DLG2: variants seen among roughly 807,000 people sequenced by gnomAD.
DLG2 encodes the protein disks large homolog 2.
A neutral mutation model predicts 132.5 loss-of-function variants in DLG2; 45 were observed. That is an observed-to-expected ratio of 0.34 (90% CI 0.27 to 0.44). The LOEUF (loss-of-function observed/expected upper bound fraction) is 0.44. Among genes scored for constraint, DLG2 ranks in the 20% least tolerant of loss-of-function variants. The pLI is 1.00. For synonymous variants in DLG2, 424 were observed against 419.6 expected (o/e 1.01, Z -0.13); for missense variants, 1,045 against 1,196.9 (o/e 0.87, Z 1.87).
At chr11:85,172,512 A>G (rs1308082544) in intron 4 of DLG2, among the ~76,000 whole-genome samples, 36 of 152,238 alleles carry the variant, frequency 2.4e-4, no homozygotes. Flanking sequence ...GATGGAACAG[A>G]ATCAATGCAA....
intron 6 of DLG2, among the ~76,000 whole-genome samples, chr11:84,948,930 C>T (rs2155412): frequency 0.69 from 104,250 of 152,098 alleles, 36,530 homozygotes; most frequent in East Asian, 0.95. Context: ...CCCTGCCATG[C>T]AGTACATATT....
At chr11:84,367,654 A>T (rs1029464371) in intron 7 of DLG2, among the ~76,000 whole-genome samples, 3 of 152,014 alleles carry the variant, frequency 2.0e-5, no homozygotes, top group African/African-American at 7.2e-5. Context: ...TTATCACAAG[A>T]TGAGTCTGTT....
intron 7 of DLG2, among the ~76,000 whole-genome samples, chr11:84,316,474 C>G (rs924161208): frequency 6.6e-6 from 1 of 151,940 alleles, no homozygotes; most frequent in Non-Finnish European, 1.5e-5. Flanking sequence ...TATTTTTTCT[C>G]TGCTCTTTAA....
At chr11:85,302,464 T>G (rs952331119) in intron 3 of DLG2, among the ~76,000 whole-genome samples, 1 of 152,022 alleles carries the variant, frequency 6.6e-6, no homozygotes, top group Non-Finnish European at 1.5e-5. Context: ...GGGCCTACAT[T>G]CCCCTTCTGA....
rs1022669992 is a variant in DLG2, at chr11:83,508,017, C to T, written c.2194-23789G>A. Among the ~76,000 whole-genome samples the T allele has an allele frequency of 2.0e-5, 3 of 151,694 alleles. No individual in the cohort carries two copies. The South Asian group carries it at 6.3e-4, about 32-fold the overall frequency. On this transcript the variant is annotated intron_variant, in intron 21 of 27. Coordinates refer to ENST00000376104, the MANE Select transcript of DLG2 (RefSeq NM_001142699.3). ...CACATTTTTATGACTGCTTTATATA[C>T]TAGCCATGCTGGTAGCTGATTAGAT...
At chr11:84,331,787 G>A (rs1016873207) in intron 7 of DLG2, among the ~76,000 whole-genome samples, 6 of 152,102 alleles carry the variant, frequency 3.9e-5, no homozygotes, top group African/African-American at 1.4e-4. Context: ...GTGCCAAAGT[G>A]CCTTCGTGAG....
At chr11:85,469,035 G>A (rs1267182570) in intron 3 of DLG2, among the ~76,000 whole-genome samples, 1 of 152,118 alleles carries the variant, frequency 6.6e-6, no homozygotes, top group African/African-American at 2.4e-5. Context: ...TGTTTATTGA[G>A]TGCACGTACT....
intron 12 of DLG2, among the ~76,000 whole-genome samples, chr11:83,974,218 A>C (rs2091861437): frequency 6.6e-6 from 1 of 152,028 alleles, no homozygotes; most frequent in Admixed American, 6.6e-5. Context: ...ACATATTCGC[A>C]ATGTCTTCAA....
chr11:84,072,660 T>C (rs1168149646), intron 10 of DLG2, among the ~76,000 whole-genome samples: 1 of 152,194 alleles, frequency 6.6e-6, no homozygotes, highest in Non-Finnish European at 1.5e-5. Flanking sequence ...TTGAAGGTCT[T>C]GGTACGACAT....
chr11:84,856,885 C>CTGAAAAAGTAATA (rs2082857646), intron 6 of DLG2, among the ~76,000 whole-genome samples: 1 of 151,710 alleles, frequency 6.6e-6, no homozygotes, highest in Admixed American at 6.6e-5. Context: ...TCTGAGGAGG[C>CTGAAAAAGTAATA]TGAAAAAGTA....
intron 8 of DLG2, among the ~76,000 whole-genome samples, chr11:84,223,255 C>T (rs750978187): frequency 5.3e-5 from 8 of 152,252 alleles, no homozygotes; most frequent in Admixed American, 1.3e-4. Flanking sequence ...CAAGTAGCAT[C>T]ATGGAATCGA....
At chr11:85,313,276 G>C (rs2152811312) in intron 3 of DLG2, among the ~76,000 whole-genome samples, 1 of 152,080 alleles carries the variant, frequency 6.6e-6, no homozygotes, top group Non-Finnish European at 1.5e-5. Context: ...AGATGGCAAA[G>C]TCATAAGATG....
intron 6 of DLG2, chr11:84,720,478 C>A: frequency 3.0e-6 from 3 of 985,268 alleles, no homozygotes; most frequent in Non-Finnish European, 3.6e-6. Flanking sequence ...ACAGCCTAGA[C>A]CGAGCTGCCG....
At chr11:84,235,289 T>C (rs1313461250) in intron 8 of DLG2, among the ~76,000 whole-genome samples, 2 of 152,240 alleles carry the variant, frequency 1.3e-5, no homozygotes, top group African/African-American at 2.4e-5. Context: ...CTGACCATCT[T>C]GGGCACATGT....
chr11:84,215,280 G>A (rs1440689576), intron 8 of DLG2, among the ~76,000 whole-genome samples: 2 of 152,116 alleles, frequency 1.3e-5, no homozygotes, highest in African/African-American at 2.4e-5. Flanking sequence ...TAGTATCTTG[G>A]TCTGAATGCT....
At chr11:84,271,088 A>G (rs1043692667) in intron 7 of DLG2, among the ~76,000 whole-genome samples, 2 of 152,226 alleles carry the variant, frequency 1.3e-5, no homozygotes, top group Non-Finnish European at 2.9e-5. Context: ...TGACAAAAAA[A>G]TAAATTGAGG....
chr11:83,621,892 T>C (rs917781291), intron 19 of DLG2, among the ~76,000 whole-genome samples: 2 of 152,108 alleles, frequency 1.3e-5, no homozygotes. Context: ...CTGCTCTCAC[T>C]GTCTTGCTAC....
intron 6 of DLG2, among the ~76,000 whole-genome samples, chr11:84,749,812 C>T (rs6592202): frequency 0.67 from 102,149 of 151,944 alleles, 34,972 homozygotes; most frequent in African/African-American, 0.78. Context: ...ATTCCCCCTG[C>T]TGTTGGTTTC....
At chr11:83,991,746 C>A (rs894752358) in intron 11 of DLG2, among the ~76,000 whole-genome samples, 2 of 152,076 alleles carry the variant, frequency 1.3e-5, no homozygotes, top group Non-Finnish European at 2.9e-5. Context: ...ATCCATCTGG[C>A]CCCATACACC....
Sources: gnomAD v4.1 joint callset for allele counts (sites outside exome capture counted in the v4.1 genomes callset) on GRCh38, gnomAD v4.1.1 for gene constraint, MANE v1.5 for transcripts, NCBI Gene and HGNC (gene_info 2026-07-23, HGNC 2026-07-21) for gene names.